SHROOM3: variants seen among roughly 807,000 people sequenced by gnomAD.
The protein encoded by SHROOM3 is shroom family member 3, also known as protein Shroom3.
Under a neutral mutation model 138.6 loss-of-function variants are expected in SHROOM3, and 47 were observed. The ratio of observed to expected loss-of-function variants is 0.34; its 90% CI spans 0.27 to 0.43. The LOEUF (loss-of-function observed/expected upper bound fraction) is 0.43. Among genes scored for constraint, SHROOM3 ranks in the 20% least tolerant of loss-of-function variants. The pLI, the probability that SHROOM3 is intolerant of heterozygous loss-of-function variation, is 1.00. For synonymous variants in SHROOM3, 1,062 were observed against 1,063.3 expected, an observed-to-expected ratio of 1.00 and a Z score of 0.02; for missense variants, 2,491 against 2,596.5, an observed-to-expected ratio of 0.96 and a Z score of 0.88.
At chr4:76,768,297 GA>G (rs1211511394) in intron 9 of SHROOM3, among the ~76,000 whole-genome samples, 1 of 152,182 alleles carries the variant, frequency 6.6e-6, no homozygotes, top group Non-Finnish European at 1.5e-5. Context: ...CATATGCGCT[GA>G]TATCACAGTG....
At chr4:76,654,833 CTTA>C (rs1239257782) in intron 2 of SHROOM3, among the ~76,000 whole-genome samples, 3 of 152,140 alleles carry the variant, frequency 2.0e-5, no homozygotes, top group Non-Finnish European at 4.4e-5. Context: ...ATTATATTAA[CTTA>C]TTATCCTCAG....
At chr4:76,766,680 CTATT>C (rs1722166769) in intron 9 of SHROOM3, among the ~76,000 whole-genome samples, 1 of 152,218 alleles carries the variant, frequency 6.6e-6, no homozygotes, top group Non-Finnish European at 1.5e-5. Context: ...AAAGAAATGG[CTATT>C]TAGTACAGCC....
chr4:76,546,712 C>T (rs760396798), intron 1 of SHROOM3, among the ~76,000 whole-genome samples: 4 of 152,138 alleles, frequency 2.6e-5, no homozygotes, highest in South Asian at 2.1e-4. Flanking sequence ...ATACAATTAT[C>T]GCACTTATAG....
chr4:76,721,688 T>C (rs1177531044), intron 3 of SHROOM3, among the ~76,000 whole-genome samples: 2 of 152,198 alleles, frequency 1.3e-5, no homozygotes, highest in Non-Finnish European at 2.9e-5. Context: ...ATATGTATTG[T>C]TGAGTAAAAA....
intron 1 of SHROOM3, among the ~76,000 whole-genome samples, chr4:76,443,924 T>C (rs1215623825): frequency 6.6e-6 from 1 of 152,202 alleles, no homozygotes; most frequent in Non-Finnish European, 1.5e-5. Context: ...CTTGGAGATT[T>C]ATGAGATTAT....
chr4:76,744,417 C>G (rs908779190), intron 5 of SHROOM3, among the ~76,000 whole-genome samples: 6 of 152,184 alleles, frequency 3.9e-5, no homozygotes, highest in Admixed American at 2.6e-4. Flanking sequence ...AGCTTCCTCC[C>G]TCTCCTGGTC....
rs1722333869 is a variant in SHROOM3 at position 76,770,768 on chromosome 4, T to G, written c.5492T>G (p.Phe1831Cys). 6 of 1,613,966 alleles carry G rather than the reference T, an allele frequency of 3.7e-6. No individual in the cohort carries two copies. Among genetic ancestry groups the G allele is most frequent in the Non-Finnish European group, 5.1e-6 (6 of 1,180,008 alleles). Reference sequence around the variant, plus strand: ...AGCGAGCTCTGCAAGCCCAATGAGTTTGACAAGTATAGGATGTTCATAGGG... The same window carrying G: ...AGCGAGCTCTGCAAGCCCAATGAGTGTGACAAGTATAGGATGTTCATAGGG... ...LISELCKPNE[F>C]DKYRMFIGDL... The change falls in exon 10 of 11, where the codon TTT becomes TGT. Residue 1831 changes from phenylalanine to cysteine, a missense_variant. Phe to Cys is a radical substitution (Grantham distance 205). Coordinates refer to ENST00000296043, the MANE Select transcript of SHROOM3 (RefSeq NM_020859.4).
intron 1 of SHROOM3, among the ~76,000 whole-genome samples, chr4:76,493,795 A>G (rs1368046317): frequency 2.0e-5 from 3 of 152,180 alleles, no homozygotes; most frequent in Non-Finnish European, 4.4e-5. Flanking sequence ...CCTGGCCAAC[A>G]TGGTGAAAGC....
In SHROOM3 at chr4:76,754,995, T is replaced by C. The variant is rs763981109; in HGVS notation, c.4512T>C (p.Tyr1504=). Residue 1504 remains tyrosine (Y), a synonymous_variant, in exon 7 of 11, where the codon TAT becomes TAC. Coordinates refer to ENST00000296043, the MANE Select transcript of SHROOM3 (RefSeq NM_020859.4). ...LRDSPPPHED[Y]EDEVFVRDPH... ...ACTCCCCGCCACCTCATGAGGATTA[T>C]GAAGACGAAGTGTTTGTGAGGGATC... The C allele has an allele frequency of 6.2e-7, 1 of 1,613,182 alleles. No homozygotes were observed. The highest frequency in any genetic ancestry group is 2.2e-5 in the East Asian group (1 of 44,870).
Position 76,739,540 on chromosome 4 carries a change from C to T in SHROOM3, c.1367C>T (p.Ala456Val), listed in dbSNP as rs1168218569. 6.2e-7 allele frequency: 1 copy of T among 1,614,050 alleles called. No individual in the cohort carries two copies. Among genetic ancestry groups the T allele is most frequent in the African/African-American group, 1.3e-5 (1 of 74,922 alleles). ...CCCAAGCATAACTATACCCAGAAGG[C>T]CCAACCTGGCCAACCTCTGCTGCCG... is the stretch of plus-strand genomic sequence containing the variant. The part of the protein sequence containing the change: ...VKPKHNYTQK[A>V]QPGQPLLPTS... The change falls in exon 5 of 11, where the codon GCC becomes GTC. Residue 456 changes from alanine to valine, a missense_variant. Physicochemically the swap from Ala to Val is moderately conservative, Grantham distance 64. Around this residue, in one of 4 missense-constraint regions of SHROOM3, gnomAD observed 1,733 missense variants for 1,661.6 expected, o/e 1.04. Transcript: ENST00000296043.
intron 3 of SHROOM3, among the ~76,000 whole-genome samples, chr4:76,729,047 T>C (rs1221487455): frequency 1.3e-5 from 2 of 152,214 alleles, no homozygotes; most frequent in Non-Finnish European, 2.9e-5. Context: ...TAGTAATGAA[T>C]GATGGTAATA....
At chr4:76,674,337 C>G (rs1028093126) in intron 2 of SHROOM3, among the ~76,000 whole-genome samples, 1 of 151,988 alleles carries the variant, frequency 6.6e-6, no homozygotes, top group East Asian at 1.9e-4. Flanking sequence ...GGTTATTTAT[C>G]TTTTCTTCTC....
At chr4:76,710,100 T>TG in intron 2 of SHROOM3, 56 bp from the exon 3 acceptor site, 4 of 1,611,918 alleles carry the variant, frequency 2.5e-6, no homozygotes, top group Non-Finnish European at 3.4e-6. Context: ...GATTCATTTG[T>TG]GCTCCTGTCC....
intron 1 of SHROOM3, among the ~76,000 whole-genome samples, chr4:76,540,443 A>C (rs994376142): frequency 6.6e-6 from 1 of 152,216 alleles, no homozygotes; most frequent in Non-Finnish European, 1.5e-5. Context: ...TCTCAATATC[A>C]TAAGTCTAAA....
intron 2 of SHROOM3, among the ~76,000 whole-genome samples, chr4:76,611,294 A>G (rs1734757141): frequency 6.9e-6 from 1 of 145,528 alleles, no homozygotes; most frequent in Non-Finnish European, 1.5e-5. Flanking sequence ...TCTCATTCTG[A>G]TTATTTAACT....
At chr4:76,702,118 A>T (rs1177080405) in intron 2 of SHROOM3, among the ~76,000 whole-genome samples, 1 of 152,190 alleles carries the variant, frequency 6.6e-6, no homozygotes, top group Non-Finnish European at 1.5e-5. Flanking sequence ...CAAAAGAGTG[A>T]TGTGGAAAAA....
At chr4:76,466,102 G>A (rs1731244641) in intron 1 of SHROOM3, among the ~76,000 whole-genome samples, 1 of 152,154 alleles carries the variant, frequency 6.6e-6, no homozygotes, top group African/African-American at 2.4e-5. Flanking sequence ...AAGTGTTAAT[G>A]TGTCAAAAAT....
At chr4:76,669,843 GC>G (rs1718826226) in intron 2 of SHROOM3, among the ~76,000 whole-genome samples, 1 of 152,170 alleles carries the variant, frequency 6.6e-6, no homozygotes, top group Admixed American at 6.5e-5. Context: ...TCAAAAACGG[GC>G]CTAACTTTGT....
intron 1 of SHROOM3, among the ~76,000 whole-genome samples, chr4:76,487,020 T>A (rs909104190): frequency 3.9e-5 from 6 of 152,102 alleles, no homozygotes; most frequent in African/African-American, 1.4e-4. Flanking sequence ...ATCACCACGA[T>A]CAATTTTGAA....
Sources: allele counts gnomAD v4.1 joint callset (sites outside exome capture counted in the v4.1 genomes callset), GRCh38; gene constraint gnomAD v4.1.1; regional missense constraint gnomAD v4.1.1; transcripts MANE v1.5; gene names NCBI Gene and HGNC (gene_info 2026-07-23, HGNC 2026-07-21).